COL20A1: variants seen among roughly 807,000 people sequenced by gnomAD.
COL20A1 encodes the protein collagen type XX alpha 1 chain.
COL20A1 carries 164 observed loss-of-function variants against 152.9 expected under a neutral mutation model. The observed-to-expected ratio is 1.07, with a 90% CI of 0.94 to 1.22. COL20A1 has a LOEUF of 1.22. Among genes scored for constraint, COL20A1 ranks in the 50% most tolerant of loss-of-function variants. The pLI, the probability that COL20A1 is intolerant of heterozygous loss-of-function variation, is 0.00. For missense variants in COL20A1, 1,873 were observed against 1,744.8 expected (o/e 1.07, Z -1.31); for synonymous variants, 864 against 756.0 (o/e 1.14, Z -2.34).
At position 63,328,422 on chromosome 20, in the gene COL20A1, G is replaced by A; in HGVS notation, c.3705G>A (p.Leu1235=). Residue 1235 remains leucine, a synonymous_variant, in exon 34 of 36, where the codon CTG becomes CTA. Coordinates refer to ENST00000358894, the MANE Select transcript of COL20A1 (RefSeq NM_020882.4). ...EQKLEPGTEP[L]GSPGTRSKAL... is the part of the protein sequence containing the mutation. ...AGCTGGAGCCGGGCACTGAGCCCCTGGGGTCCCCTGGCACCCGCAGCAAGG... is the reference window on the plus strand; with the variant it reads ...AGCTGGAGCCGGGCACTGAGCCCCTAGGGTCCCCTGGCACCCGCAGCAAGG... The A allele has an allele frequency of 1.2e-6, 2 of 1,612,444 alleles. No individual in the cohort carries two copies. The highest frequency in any genetic ancestry group is 1.7e-6 in the Non-Finnish European group (2 of 1,179,652).
In COL20A1 at chr20:63,320,356, G is replaced by C. The variant is rs1173140353; in HGVS notation, c.3141G>C (p.Glu1047Asp). 3 of 1,611,284 alleles carry C rather than the reference G, an allele frequency of 1.9e-6. No individual in the cohort carries two copies. The Admixed American group carries it at 5.0e-5, about 27-fold the overall frequency. ...DTWADEDRCC[E>D]LPASRDGETC... The stretch of plus-strand genomic sequence containing the variant: ...GGGCCGATGAGGACCGGTGCTGTGA[G>C]CTCCCTGCCTCGGTGTGCCCCGTCC... Residue 1047 changes from glutamate to aspartate, a missense_variant, in exon 25 of 36, where the codon GAG becomes GAC. By Grantham distance (45) the Glu-to-Asp change is conservative. Transcript: ENST00000358894.
chr20:63,312,696 A>AT, intron 15 of COL20A1, 96 bp from the exon 16 acceptor site: 1 of 1,459,702 alleles, frequency 6.9e-7, no homozygotes, highest in Non-Finnish European at 9.2e-7. Flanking sequence ...GGTGTGATGG[A>AT]TGGGGGTATA....
Position 63,325,509 on chromosome 20 carries a change from G to A in COL20A1, c.3348+15G>A. On this transcript the variant is annotated intron_variant, in intron 28 of 35. Coordinates refer to ENST00000358894, the MANE Select transcript of COL20A1 (RefSeq NM_020882.4). ...CAGGCTTGCAGGTAGTGTGGCTGGG[G>A]CCAGGGGGCCACAGGGGTTGGTGGG... 3.7e-6 allele frequency: 6 copies of A among 1,609,826 alleles called. No individual in the cohort carries two copies. Among genetic ancestry groups the A allele is most frequent in the Non-Finnish European group, 5.1e-6 (6 of 1,177,590 alleles).
chr20:63,294,365 C>T (rs1470850017), intron 1 of COL20A1, among the ~76,000 whole-genome samples: 1 of 151,716 alleles, frequency 6.6e-6, no homozygotes, highest in Admixed American at 6.5e-5. Flanking sequence ...GTTACCCTGG[C>T]CTCTGAGTCC....
chr20:63,314,761 A>G (rs2068061991), intron 19 of COL20A1, among the ~76,000 whole-genome samples: 1 of 152,038 alleles, frequency 6.6e-6, no homozygotes, highest in Non-Finnish European at 1.5e-5. Flanking sequence ...GGCCCCCAGG[A>G]CACGCATGCC....
Position 63,312,035 on chromosome 20 carries a change from GAGGGTGGACACTCGGGGC to G in COL20A1, c.1787_1803+1del. The G allele has an allele frequency of 1.9e-6, 3 of 1,592,032 alleles. No individual in the cohort carries two copies. Among genetic ancestry groups the G allele is most frequent in the Non-Finnish European group, 2.6e-6 (3 of 1,168,904 alleles). ...GGTCAGGGTCACCTATGTGTCCAGC[GAGGGTGGACACTCGGGGC>G]AGGTGAGAGCAGAGCCCTCCGGGGG... On this transcript the variant is annotated inframe_deletion and splice_region_variant, in exon 14 of 36. Transcript: ENST00000358894.
intron 29 of COL20A1, 59 bp from the exon 30 acceptor site, chr20:63,326,037 A>G (rs977976657): frequency 8.9e-5 from 131 of 1,480,088 alleles, no homozygotes; most frequent in Non-Finnish European, 1.2e-4. Flanking sequence ...GGCTGTCACC[A>G]TGGGAGGGCT....
chr20:63,330,085 G>T (rs1015442910), intron 35 of COL20A1, among the ~76,000 whole-genome samples: 7 of 152,104 alleles, frequency 4.6e-5, no homozygotes, highest in African/African-American at 1.7e-4. Flanking sequence ...GGAGGGGCCT[G>T]TGAGGCCCTG....
In COL20A1 at chr20:63,327,518, A is replaced by G; in HGVS notation, c.3529-434A>G. Reference sequence around the variant, plus strand: ...GGATGCCTTGGCCTTCAGCAGCTCCATGGGCCCCCCCTTAGGTGGGCTCCA... The same window carrying G: ...GGATGCCTTGGCCTTCAGCAGCTCCGTGGGCCCCCCCTTAGGTGGGCTCCA... On this transcript the variant is annotated intron_variant, in intron 31 of 35. Transcript: ENST00000358894. The G allele has an allele frequency of 9.9e-6, 2 of 202,224 alleles. 1 individual carries two copies. The highest frequency in any genetic ancestry group is 1.8e-4 in the South Asian group (2 of 10,878). The allele number at this position is 202,224 out of a possible 1,614,324, so 12.5% of individuals were successfully genotyped here.
intron 19 of COL20A1, among the ~76,000 whole-genome samples, chr20:63,314,950 C>T (rs1270487650): frequency 1.3e-5 from 2 of 148,508 alleles, no homozygotes; most frequent in Admixed American, 6.7e-5. Flanking sequence ...TCACACCAGG[C>T]ATCTCCCTGG....
At position 63,312,847 on chromosome 20, in the gene COL20A1, C is replaced by T. The variant is rs1347869241; in HGVS notation, c.1989C>T (p.Val663=). The T allele has an allele frequency of 3.8e-6, 6 of 1,559,056 alleles. No individual in the cohort carries two copies. The South Asian group carries it at 4.7e-5, about 12-fold the overall frequency. ...LSMTELPGDA[V]QLAWVAAAPS... is the part of the protein sequence containing the mutation. ...TGACGGAGCTGCCAGGGGATGCAGT[C>T]CAGCTGGCGTGGGTGGCCGCAGCCC... The change falls in exon 16 of 36, where the codon GTC becomes GTT. Residue 663 remains valine, a synonymous_variant. Coordinates refer to ENST00000358894, the MANE Select transcript of COL20A1 (RefSeq NM_020882.4).
intron 2 of COL20A1, among the ~76,000 whole-genome samples, chr20:63,297,393 G>A (rs569639556): frequency 6.2e-4 from 94 of 151,618 alleles, no homozygotes; most frequent in African/African-American, 2.2e-3. Context: ...ACCCAGCCCA[G>A]GGGACTCAGC....
chr20:63,306,372 G>A lies in COL20A1; in HGVS notation c.496+333G>A, dbSNP rs1046438160. Among the ~76,000 whole-genome samples, 2 of 152,010 alleles carry A rather than the reference G, an allele frequency of 1.3e-5. No homozygotes were observed. The highest frequency in any genetic ancestry group is 2.9e-5 in the Non-Finnish European group (2 of 68,010). ...CCACGAGGCCGGGAAGTTCTTCCTC[G>A]TGTCTGACCACACGGTCTCTGGCTT... On this transcript the variant is annotated intron_variant, in intron 5 of 35. Coordinates refer to ENST00000358894, the MANE Select transcript of COL20A1 (RefSeq NM_020882.4). The surrounding 1 kb of genome is among the most constrained non-coding windows in gnomAD (Gnocchi z 6.9).
chr20:63,327,872 AC>A, intron 31 of COL20A1, 79 bp from the exon 32 acceptor site: 1 of 1,408,314 alleles, frequency 7.1e-7, no homozygotes, highest in South Asian at 1.2e-5. Context: ...GTGAGGATCC[AC>A]CTCAGGGCCA....
intron 35 of COL20A1, 46 bp downstream of exon 35, chr20:63,329,707 C>A: frequency 7.1e-7 from 1 of 1,399,108 alleles, no homozygotes; most frequent in Non-Finnish European, 9.6e-7. Flanking sequence ...TGAGGGCATC[C>A]AGGAAGGAGG....
chr20:63,326,799 A>C lies in COL20A1; in HGVS notation c.3504A>C (p.Gly1168=). The change falls in exon 31 of 36, where the codon GGA becomes GGC. Residue 1168 remains glycine, a synonymous_variant. Transcript: ENST00000358894. The part of the protein sequence containing the change: ...AGARGTSGER[G]PPGTVGPTGL... ...CCAGGGGCACTAGTGGAGAGCGAGG[A>C]CCTCCAGGGACCGTGGGGCCCACAG... The C allele has an allele frequency of 6.7e-7, 1 of 1,499,586 alleles. No homozygotes were observed. Among genetic ancestry groups the C allele is most frequent in the South Asian group, 1.4e-5 (1 of 72,226 alleles). 92.9% of individuals were successfully genotyped at this position (1,499,586 alleles called of 1,614,324 possible).
chr20:63,309,427 CG>C lies in COL20A1; in HGVS notation c.1036del (p.Ala346ArgfsTer40). Reference protein sequence around the residue: ...HSVLDFLQLGALAGLLSRLIC... With the variant: ...HSVLDFLQLGXLAGLLSRLIC... ...GCGTGCTGGACTTCCTGCAGCTCGG[CG>C]CGCTGGCTGGCCTGCTCAGCCGTCT... On this transcript the variant is annotated frameshift_variant, in exon 9 of 36. Transcript: ENST00000358894. LOFTEE classifies it high-confidence loss of function. 6.5e-7 allele frequency: 1 copy of C among 1,548,832 alleles called. No homozygotes were observed. Among genetic ancestry groups the C allele is most frequent in the Non-Finnish European group, 8.7e-7 (1 of 1,145,476 alleles).
intron 10 of COL20A1, 89 bp from the exon 11 acceptor site, chr20:63,310,292 G>C (rs1243765026): frequency 3.4e-6 from 5 of 1,459,224 alleles, no homozygotes; most frequent in Non-Finnish European, 4.7e-6. Flanking sequence ...CCCCAGCTGA[G>C]CTCACACTCC....
chr20:63,324,906 A>G (rs2068220575), intron 27 of COL20A1: 1 of 222,866 alleles, frequency 4.5e-6, no homozygotes, highest in Non-Finnish European at 9.2e-6. Flanking sequence ...TGTCTCTTCC[A>G]TACAGTTGGC....
Sources: allele counts gnomAD v4.1 joint callset (sites outside exome capture counted in the v4.1 genomes callset), GRCh38; gene constraint gnomAD v4.1.1; non-coding constraint Gnocchi (gnomAD v3.1); transcripts MANE v1.5; gene names NCBI Gene and HGNC (gene_info 2026-07-23, HGNC 2026-07-21).